PHLPP1: variants seen among roughly 807,000 people sequenced by gnomAD.
PHLPP1 encodes PH domain and leucine rich repeat protein phosphatase 1, also known as PH domain leucine-rich repeat-containing protein phosphatase 1.
Under a neutral mutation model 117.2 loss-of-function variants are expected in PHLPP1, and 42 were observed. That is an observed-to-expected ratio of 0.36 (90% CI 0.28 to 0.46). The LOEUF (loss-of-function observed/expected upper bound fraction) is 0.46, where lower values mean the gene tolerates loss of function less well. Ranked by LOEUF, PHLPP1 falls within the 20% of genes least tolerant of loss-of-function variation. PHLPP1 has a pLI of 1.00. For missense variants in PHLPP1, 2,084 were observed against 2,241.9 expected (o/e 0.93, Z 1.42); for synonymous variants, 1,042 against 970.7 (o/e 1.07, Z -1.37).
chr18:62,763,727 C>T (rs947204348), intron 1 of PHLPP1, among the ~76,000 whole-genome samples: 3 of 152,188 alleles, frequency 2.0e-5, no homozygotes, highest in Non-Finnish European at 2.9e-5. Flanking sequence ...ATTTCTTTCT[C>T]TGTCTACTTT....
At chr18:62,782,368 A>G (rs569556123) in intron 1 of PHLPP1, among the ~76,000 whole-genome samples, 1 of 152,340 alleles carries the variant, frequency 6.6e-6, no homozygotes, top group Non-Finnish European at 1.5e-5. Flanking sequence ...AGCAAGATGT[A>G]ATAGTTTAAC....
At chr18:62,825,362 A>ATG (rs1195270087) in intron 1 of PHLPP1, 1 of 148,534 alleles carries the variant, frequency 6.7e-6, no homozygotes, top group Non-Finnish European at 1.5e-5. Context: ...GTATGTATAT[A>ATG]TATAAATATA....
At chr18:62,722,418 C>T (rs1381798636) in intron 1 of PHLPP1, among the ~76,000 whole-genome samples, 1 of 152,118 alleles carries the variant, frequency 6.6e-6, no homozygotes, top group Non-Finnish European at 1.5e-5. Context: ...AAAAACGATT[C>T]CTTTAAAGAC....
intron 8 of PHLPP1, among the ~76,000 whole-genome samples, chr18:62,912,629 T>G (rs77783035): frequency 7.2e-5 from 11 of 152,170 alleles, no homozygotes; most frequent in Non-Finnish European, 1.6e-4. Flanking sequence ...TTTCTTTTTT[T>G]GTTTTTTTGA....
At chr18:62,771,078 G>A (rs1295042224) in intron 1 of PHLPP1, among the ~76,000 whole-genome samples, 1 of 152,004 alleles carries the variant, frequency 6.6e-6, no homozygotes, top group Non-Finnish European at 1.5e-5. Context: ...ACTGGGCATG[G>A]TGGCGCACAC....
At chr18:62,806,236 ACT>A (rs1055251074) in intron 1 of PHLPP1, among the ~76,000 whole-genome samples, 6 of 152,132 alleles carry the variant, frequency 3.9e-5, no homozygotes, top group African/African-American at 1.4e-4. Flanking sequence ...GATTTAAGTA[ACT>A]CTGTCATAAA....
chr18:62,788,273 G>T (rs1568117688), intron 1 of PHLPP1, among the ~76,000 whole-genome samples: 1 of 152,084 alleles, frequency 6.6e-6, no homozygotes, highest in South Asian at 2.1e-4. Context: ...GGGCACACTT[G>T]TATTTTTCTG....
At chr18:62,850,404 A>G (rs1915315634) in intron 3 of PHLPP1, among the ~76,000 whole-genome samples, 1 of 149,778 alleles carries the variant, frequency 6.7e-6, no homozygotes, top group Non-Finnish European at 1.5e-5. Flanking sequence ...CGGGGGGGAA[A>G]ACAAGTAGTT....
In PHLPP1 at chr18:62,814,214, C is replaced by T. The variant is rs541967316; in HGVS notation, c.1577-15821C>T. Among the ~76,000 whole-genome samples the T allele has an allele frequency of 5.9e-5, 9 of 152,290 alleles. No homozygotes were observed. The South Asian group carries it at 1.9e-3, about 32-fold the overall frequency. On this transcript the variant is annotated intron_variant, in intron 1 of 16. Coordinates refer to ENST00000262719, the MANE Select transcript of PHLPP1 (RefSeq NM_194449.4). Reference sequence around the variant, plus strand: ...TCAGTAAGAAGCAAGATTTACTGGGCAGTTGACTTCATATATTTTGATCTG... The same window carrying T: ...TCAGTAAGAAGCAAGATTTACTGGGTAGTTGACTTCATATATTTTGATCTG...
chr18:62,868,490 C>T (rs747447294), intron 4 of PHLPP1, among the ~76,000 whole-genome samples: 5 of 151,902 alleles, frequency 3.3e-5, no homozygotes, highest in African/African-American at 4.8e-5. Flanking sequence ...GGCGTCATGG[C>T]GCACACCTAT....
chr18:62,928,297 A>G (rs182797430), intron 10 of PHLPP1, among the ~76,000 whole-genome samples: 1 of 152,110 alleles, frequency 6.6e-6, no homozygotes, highest in Non-Finnish European at 1.5e-5. Flanking sequence ...GGAACTTGAA[A>G]GAACTCTTAC....
intron 1 of PHLPP1, among the ~76,000 whole-genome samples, chr18:62,799,347 A>G (rs1913711616): frequency 1.3e-5 from 2 of 152,212 alleles, no homozygotes; most frequent in African/African-American, 4.8e-5. Context: ...TGGCTGGGAC[A>G]TCTCTTGAGG....
At chr18:62,897,656 GCCACCACA>G (rs1916597775) in intron 6 of PHLPP1, among the ~76,000 whole-genome samples, 1 of 151,966 alleles carries the variant, frequency 6.6e-6, no homozygotes, top group South Asian at 2.1e-4. Flanking sequence ...ACAAGTGCCC[GCCACCACA>G]CCTGGCTAGT....
At chr18:62,776,133 A>G (rs905429658) in intron 1 of PHLPP1, among the ~76,000 whole-genome samples, 5 of 152,162 alleles carry the variant, frequency 3.3e-5, no homozygotes, top group Admixed American at 6.5e-5. Context: ...GGTAAGTCCA[A>G]CAGTTTTAGG....
chr18:62,944,313 A>C (rs1490643339), intron 11 of PHLPP1, among the ~76,000 whole-genome samples: 1 of 152,228 alleles, frequency 6.6e-6, no homozygotes, highest in Non-Finnish European at 1.5e-5. Flanking sequence ...AGAATGCAAG[A>C]AACCCTGATT....
At chr18:62,953,416 C>A (rs573823198) in intron 12 of PHLPP1, among the ~76,000 whole-genome samples, 2 of 152,214 alleles carry the variant, frequency 1.3e-5, no homozygotes, top group Non-Finnish European at 1.5e-5. Context: ...TAGATGTCCA[C>A]CTGTTCTCAC....
chr18:62,717,118 A>C lies in PHLPP1; in HGVS notation c.1435A>C (p.Thr479Pro), dbSNP rs1259511102. The C allele has an allele frequency of 2.5e-6, 4 of 1,582,842 alleles. No homozygotes were observed. Among genetic ancestry groups the C allele is most frequent in the Non-Finnish European group, 3.4e-6 (4 of 1,165,304 alleles). Residue 479 changes from threonine to proline, a missense_variant, in exon 1 of 17, where the codon ACC becomes CCC. By Grantham distance (38) the Thr-to-Pro change is conservative. This residue lies in a region of PHLPP1 where 1,365 missense variants were observed against 1,605.9 expected (regional missense o/e 0.85). Transcript: ENST00000262719. ...PTLYVQLHGE[T>P]TRRLEAEEKP... is the part of the protein sequence containing the mutation. ...CCTGTACGTGCAGCTCCACGGAGAG[A>C]CCACCCGGCGCTTGGAGGCGGAGGA...
intron 12 of PHLPP1, among the ~76,000 whole-genome samples, chr18:62,954,268 G>T (rs1210679349): frequency 6.6e-6 from 1 of 152,176 alleles, no homozygotes; most frequent in African/African-American, 2.4e-5. Context: ...CTATATTCTA[G>T]AATGGGCCTG....
Position 62,830,236 on chromosome 18 carries a change from G to A in PHLPP1, c.1773+5G>A. 6.5e-7 allele frequency: 1 copy of A among 1,537,308 alleles called. No homozygotes were observed. The highest frequency in any genetic ancestry group is 1.2e-5 in the South Asian group (1 of 82,616). On this transcript the variant is annotated splice_donor_5th_base_variant and intron_variant, in intron 2 of 16. Coordinates refer to ENST00000262719, the MANE Select transcript of PHLPP1 (RefSeq NM_194449.4). ...CTGCCACTAATTGGTGGAAAAGTAA[G>A]TTTGTTTGTTTGTTTGTTTATTGAG...
Sources: allele counts gnomAD v4.1 joint callset (sites outside exome capture counted in the v4.1 genomes callset), GRCh38; gene constraint gnomAD v4.1.1; regional missense constraint gnomAD v4.1.1; transcripts MANE v1.5; gene names NCBI Gene and HGNC (gene_info 2026-07-23, HGNC 2026-07-21).